The following IDO2 variants were observed in gnomAD, a reference collection of about 807,000 sequenced individuals.
IDO2 encodes indoleamine 2,3-dioxygenase 2, also known as indoleamine 2,3-dioxygenase-like 1 protein.
IDO2 carries 46 observed loss-of-function variants against 45.1 expected under a neutral mutation model. That is an observed-to-expected ratio of 1.02 (90% CI 0.80 to 1.30). The LOEUF (loss-of-function observed/expected upper bound fraction) is 1.30. Ranked by LOEUF, IDO2 falls within the 50% of genes most tolerant of loss-of-function variation. IDO2 has a pLI of 0.00. For synonymous variants in IDO2, 218 were observed against 184.9 expected (o/e 1.18, Z -1.45); for missense variants, 544 against 491.8 (o/e 1.11, Z -1.00).
chr8:39,964,217 C>A (rs1052588898), intron 3 of IDO2, among the ~76,000 whole-genome samples: 24 of 152,306 alleles, frequency 1.6e-4, no homozygotes, highest in Middle Eastern at 3.4e-3. Context: ...TAGGCTGATA[C>A]AAAGGTAATT....
At chr8:39,973,852 C>T (rs1029172513) in intron 3 of IDO2, among the ~76,000 whole-genome samples, 4 of 151,908 alleles carry the variant, frequency 2.6e-5, no homozygotes, top group African/African-American at 7.3e-5. Context: ...AGCGATTCTC[C>T]TGCCTCAGCC....
At chr8:39,965,731 C>A (rs1242613403) in intron 3 of IDO2, among the ~76,000 whole-genome samples, 1 of 151,950 alleles carries the variant, frequency 6.6e-6, no homozygotes, top group African/African-American at 2.4e-5. Context: ...CAAGGGAAAA[C>A]ATCACGTGAA....
At chr8:39,999,276 C>CTGTT (rs1802100452) in intron 8 of IDO2, among the ~76,000 whole-genome samples, 3 of 78,412 alleles carry the variant, frequency 3.8e-5, no homozygotes, top group Admixed American at 1.8e-4. Flanking sequence ...TCTGCTGCTG[C>CTGTT]TTTTTTTTTT....
chr8:40,004,526 G>T (rs575619511), intron 8 of IDO2, among the ~76,000 whole-genome samples: 3 of 13,918 alleles, frequency 2.2e-4, no homozygotes, highest in Non-Finnish European at 3.9e-4. Flanking sequence ...ACAGACAGAT[G>T]ATAGATAGAT....
chr8:39,985,571 A>T (rs950844448), intron 6 of IDO2, 49 bp downstream of exon 6: 3 of 1,455,338 alleles, frequency 2.1e-6, no homozygotes, highest in African/African-American at 2.8e-5. Context: ...GGCCAAATTT[A>T]AAATCTTACA....
At chr8:39,993,191 T>C (rs2129594897) in intron 8 of IDO2, among the ~76,000 whole-genome samples, 1 of 152,274 alleles carries the variant, frequency 6.6e-6, no homozygotes, top group Admixed American at 6.5e-5. Flanking sequence ...TAAACTATTT[T>C]CAGACTTTCA....
chr8:39,985,730 AT>A (rs943605328), intron 6 of IDO2: 288 of 520,672 alleles, frequency 5.5e-4, no homozygotes, highest in East Asian at 7.8e-4. Context: ...TAGATAAGGG[AT>A]TTTTTTTTAC....
rs553451026 is a variant in IDO2 at position 39,971,043 on chromosome 8, T to C, written c.195+7340T>C. ...CCTCCCAAAGTGCTGGGATTACAGGTGTGAGCCACTGCGCCCGGCCCAGGA... is the reference window on the plus strand; with the variant it reads ...CCTCCCAAAGTGCTGGGATTACAGGCGTGAGCCACTGCGCCCGGCCCAGGA... On this transcript the variant is annotated intron_variant, in intron 3 of 10. Transcript: ENST00000502986. Among the ~76,000 whole-genome samples, 11 of 152,150 alleles carry C rather than the reference T, an allele frequency of 7.2e-5. No individual in the cohort carries two copies. The East Asian group carries it at 1.4e-3, about 19-fold the overall frequency.
At chr8:40,012,490 T>G (rs913868565) in intron 9 of IDO2, among the ~76,000 whole-genome samples, 22 of 152,206 alleles carry the variant, frequency 1.4e-4, no homozygotes, top group Admixed American at 1.3e-3. Flanking sequence ...TCTGTCCTGA[T>G]GTACACACAA....
chr8:40,005,219 T>G, intron 8 of IDO2, 108 bp from the exon 9 acceptor site: 1 of 595,616 alleles, frequency 1.7e-6, no homozygotes, highest in South Asian at 3.5e-5. Flanking sequence ...CAGGTCTCCA[T>G]GCATATCAGA....
intron 3 of IDO2, among the ~76,000 whole-genome samples, chr8:39,975,931 C>A (rs969553191): frequency 6.6e-6 from 1 of 152,108 alleles, no homozygotes; most frequent in Non-Finnish European, 1.5e-5. Flanking sequence ...CATAGAATAT[C>A]CTGTATTCAG....
At chr8:39,984,722 A>G (rs1808398108) in intron 5 of IDO2, among the ~76,000 whole-genome samples, 1 of 152,188 alleles carries the variant, frequency 6.6e-6, no homozygotes, top group Non-Finnish European at 1.5e-5. Flanking sequence ...ACTACATGAC[A>G]AATGTCAAAG....
chr8:39,966,452 G>T (rs1425043654), intron 3 of IDO2, among the ~76,000 whole-genome samples: 1 of 152,228 alleles, frequency 6.6e-6, no homozygotes, highest in Non-Finnish European at 1.5e-5. Context: ...AGTTTCGAGA[G>T]ACTGAATCAG....
chr8:39,935,135 AC>A lies in IDO2; in HGVS notation c.-100del. 1 of 1,490,778 alleles carries A rather than the reference AC, an allele frequency of 6.7e-7. No individual in the cohort carries two copies. The highest frequency in any genetic ancestry group is 9.4e-7 in the Non-Finnish European group (1 of 1,067,516). 92.3% of individuals were successfully genotyped at this position (1,490,778 alleles called of 1,614,324 possible). On this transcript the variant is annotated 5_prime_UTR_variant, in exon 1 of 11. An upstream open reading frame in the 5' UTR gains an earlier in-frame stop. Transcript: ENST00000502986. ...ACAGAAGGCAATGGACACCTAAAGA[AC>A]AGAATGAAAACCTTCTTAGGAAATG...
chr8:40,001,928 A>ACC (rs1802144130), intron 8 of IDO2, among the ~76,000 whole-genome samples: 1 of 151,978 alleles, frequency 6.6e-6, no homozygotes, highest in South Asian at 2.1e-4. Context: ...TGTGATAATA[A>ACC]GCATGTGCCA....
chr8:40,014,921 G>A (rs1486930493), intron 10 of IDO2, among the ~76,000 whole-genome samples: 2 of 152,154 alleles, frequency 1.3e-5, no homozygotes, highest in African/African-American at 4.8e-5. Flanking sequence ...GTCTGAGGCA[G>A]GTGGATCGCT....
intron 9 of IDO2, among the ~76,000 whole-genome samples, chr8:40,007,574 A>T (rs773127004): frequency 4.6e-5 from 7 of 152,204 alleles, no homozygotes; most frequent in Non-Finnish European, 7.3e-5. Context: ...GACCATTTTT[A>T]AAAATTTCAT....
In IDO2 at chr8:39,973,619, A is replaced by G. The variant is rs148587676; in HGVS notation, c.196-5448A>G. On this transcript the variant is annotated intron_variant, in intron 3 of 10. Transcript: ENST00000502986. The stretch of plus-strand genomic sequence containing the variant: ...TTGTGCATTGTGTGTAGGTATATAT[A>G]CTTGTGACCAAGTTGTGTTAAAATG... 2.6e-3 allele frequency among the ~76,000 whole-genome samples: 399 copies of G among 152,270 alleles called. 2 individuals are homozygous for G. Among genetic ancestry groups the G allele is most frequent in the African/African-American group, 8.2e-3 (339 of 41,556 alleles).
chr8:39,945,917 G>C (rs897953992), intron 1 of IDO2, among the ~76,000 whole-genome samples: 3 of 152,120 alleles, frequency 2.0e-5, no homozygotes, highest in Admixed American at 6.5e-5. Flanking sequence ...ACTAACTCCG[G>C]GAGAAGCTTA....
Sources: gnomAD v4.1 joint callset for allele counts (sites outside exome capture counted in the v4.1 genomes callset) on GRCh38, gnomAD v4.1.1 for gene constraint, MANE v1.5 for transcripts, NCBI Gene and HGNC (gene_info 2026-07-23, HGNC 2026-07-21) for gene names.